Variants in PCDHGA6 observed in about 807,000 individuals in gnomAD.
The protein encoded by PCDHGA6 is protocadherin gamma subfamily A, 6, also known as protocadherin gamma-A6.
PCDHGA6 carries 41 observed loss-of-function variants against 60.6 expected under a neutral mutation model. The observed-to-expected ratio is 0.68, with a 90% CI of 0.53 to 0.88. PCDHGA6 has a LOEUF of 0.88. PCDHGA6 is among the 40% of genes least tolerant of loss of function. The pLI, the probability that PCDHGA6 is intolerant of heterozygous loss-of-function variation, is 0.00. For synonymous variants in PCDHGA6, 594 were observed against 524.4 expected (o/e 1.13, Z -1.81); for missense variants, 1,312 against 1,203.0 (o/e 1.09, Z -1.34).
At chr5:141,410,178 C>G in intron 1 of PCDHGA6, 2 of 1,613,890 alleles carry the variant, frequency 1.2e-6, no homozygotes, top group South Asian at 1.1e-5. Flanking sequence ...GCCACCGCCA[C>G]GCTTCATCTG....
intron 1 of PCDHGA6, among the ~76,000 whole-genome samples, chr5:141,447,233 G>A (rs565398752): frequency 2.6e-5 from 4 of 152,028 alleles, no homozygotes; most frequent in Non-Finnish European, 4.4e-5. Flanking sequence ...TCCGCCTCCC[G>A]GGTTCAAGTG....
rs537334679 is a variant in PCDHGA6 at position 141,413,479 on chromosome 5, C to G, written c.2424+36972C>G. ...GATAGACCGGGAGGAGCTCTGCGCTCAGAGCGCGCGGTGCGTGGTGAGTTT... is the reference window on the plus strand; with the variant it reads ...GATAGACCGGGAGGAGCTCTGCGCTGAGAGCGCGCGGTGCGTGGTGAGTTT... On this transcript the variant is annotated intron_variant, in intron 1 of 3. Coordinates refer to ENST00000517434, the MANE Select transcript of PCDHGA6 (RefSeq NM_018919.3). 4.3e-6 allele frequency: 7 copies of G among 1,614,084 alleles called. No individual in the cohort carries two copies. In the African/African-American group the frequency reaches 6.7e-5, roughly 15 times the overall value.
intron 1 of PCDHGA6, among the ~76,000 whole-genome samples, chr5:141,466,800 C>T (rs189985735): frequency 6.6e-6 from 1 of 152,240 alleles, no homozygotes; most frequent in East Asian, 1.9e-4. Context: ...AAACTAGATC[C>T]TATTCAGACA....
At chr5:141,468,841 G>C (rs1189145481) in intron 1 of PCDHGA6, among the ~76,000 whole-genome samples, 3 of 152,014 alleles carry the variant, frequency 2.0e-5, no homozygotes, top group Non-Finnish European at 4.4e-5. Flanking sequence ...ACTCCAGCCT[G>C]GGCAACAGAG....
At chr5:141,419,137 C>T (rs764281503) in intron 1 of PCDHGA6, 1 of 1,613,892 alleles carries the variant, frequency 6.2e-7, no homozygotes, top group Non-Finnish European at 8.5e-7. Flanking sequence ...CAGCCACAGA[C>T]AGGGGCAAGC....
intron 1 of PCDHGA6, among the ~76,000 whole-genome samples, chr5:141,456,703 G>T (rs528071544): frequency 1.3e-5 from 2 of 152,062 alleles, no homozygotes; most frequent in Non-Finnish European, 2.9e-5. Context: ...GGTGGCTCGC[G>T]CCTGTAATCC....
rs1437533706 is a variant in PCDHGA6, at chr5:141,511,419, G to C, written c.*246G>C. On this transcript the variant is annotated 3_prime_UTR_variant, in exon 4 of 4. Transcript: ENST00000517434. ...ATCCAATCAACTGCTGTACCCATGG[G>C]GGTAGTGGGGTTACTGTAGACACCA... The C allele has an allele frequency of 2.4e-6, 2 of 830,456 alleles. No individual in the cohort carries two copies. The highest frequency in any genetic ancestry group is 5.8e-5 in the East Asian group (2 of 34,260). 51.4% of individuals were successfully genotyped at this position (830,456 alleles called of 1,614,324 possible).
chr5:141,487,596 A>T lies in PCDHGA6; in HGVS notation c.2425-7211A>T. The stretch of plus-strand genomic sequence containing the variant: ...GTTCGCCCAAGCTGCCCACCCTCTG[A>T]TCTTCTCTATGGGCTAGAGGTGAGA... On this transcript the variant is annotated intron_variant, in intron 1 of 3. Transcript: ENST00000517434. The surrounding 1 kb of genome is among the most constrained non-coding windows in gnomAD (Gnocchi z 5.0). The T allele has an allele frequency of 1.2e-6, 2 of 1,614,108 alleles. No individual in the cohort carries two copies. Among genetic ancestry groups the T allele is most frequent in the Non-Finnish European group, 8.5e-7 (1 of 1,180,024 alleles).
chr5:141,399,465 G>T, intron 1 of PCDHGA6: 1 of 1,614,014 alleles, frequency 6.2e-7, no homozygotes, highest in Non-Finnish European at 8.5e-7. Context: ...ATAACGCTCC[G>T]GTTTTCCACC....
chr5:141,455,466 A>G (rs1253494886), intron 1 of PCDHGA6, among the ~76,000 whole-genome samples: 1 of 152,164 alleles, frequency 6.6e-6, no homozygotes, highest in East Asian at 1.9e-4. Flanking sequence ...AGCCAGGTAT[A>G]TATGCAGAGG....
rs1002764667 is a variant in PCDHGA6, at chr5:141,468,260, G to A, written c.2425-26547G>A. 4.0e-5 allele frequency among the ~76,000 whole-genome samples: 6 copies of A among 150,102 alleles called. No homozygotes were observed. The East Asian group carries it at 1.2e-3, about 30-fold the overall frequency. ...GAATTGCCTGAACCTGGGAGGCAGA[G>A]GTTGTGGTGAGCCGAGACCACGCCA... On this transcript the variant is annotated intron_variant, in intron 1 of 3. Coordinates refer to ENST00000517434, the MANE Select transcript of PCDHGA6 (RefSeq NM_018919.3).
At chr5:141,459,300 A>G (rs954766370) in intron 1 of PCDHGA6, among the ~76,000 whole-genome samples, 2 of 152,202 alleles carry the variant, frequency 1.3e-5, no homozygotes, top group Non-Finnish European at 2.9e-5. Context: ...ATCCTATAAC[A>G]TATACTATTT....
intron 1 of PCDHGA6, chr5:141,379,708 G>T (rs1048011684): frequency 2.0e-5 from 3 of 151,950 alleles, no homozygotes; most frequent in Non-Finnish European, 2.9e-5. Flanking sequence ...AAACATCCTG[G>T]CAGTCATGGA....
chr5:141,389,873 C>T (rs767569258), intron 1 of PCDHGA6: 2 of 1,614,070 alleles, frequency 1.2e-6, no homozygotes, highest in Admixed American at 1.7e-5. Context: ...TGGTCTTCGC[C>T]GACAGCTTGC....
chr5:141,376,710 C>A lies in PCDHGA6; in HGVS notation c.2424+203C>A, dbSNP rs967144900. 118 of 619,882 alleles carry A rather than the reference C, an allele frequency of 1.9e-4. No individual in the cohort carries two copies. The East Asian group carries it at 3.7e-3, about 19-fold the overall frequency. 38.4% of individuals were successfully genotyped at this position (619,882 alleles called of 1,614,324 possible). Reference sequence around the variant, plus strand: ...TTTTTTTTTTTTTGAGACGGAGTCTCGCTCTGTCGCCCAGGCCGGACTGCG... The same window carrying A: ...TTTTTTTTTTTTTGAGACGGAGTCTAGCTCTGTCGCCCAGGCCGGACTGCG... On this transcript the variant is annotated intron_variant, in intron 1 of 3. Transcript: ENST00000517434.
chr5:141,408,506 T>C, intron 1 of PCDHGA6: 2 of 1,614,010 alleles, frequency 1.2e-6, no homozygotes, highest in Non-Finnish European at 1.7e-6. Flanking sequence ...GAGAAGAAGA[T>C]GTGAGTTGCA....
chr5:141,486,421 G>A lies in PCDHGA6; in HGVS notation c.2425-8386G>A, dbSNP rs772631503. ...TGACTGCTGGACCCTTGGATCGAGA[G>A]GCCAAATCTAGCTATGACATCATGG... On this transcript the variant is annotated intron_variant, in intron 1 of 3. Coordinates refer to ENST00000517434, the MANE Select transcript of PCDHGA6 (RefSeq NM_018919.3). This position sits in a 1 kb window ranked among gnomAD's most constrained non-coding sequence, Gnocchi z 5.0. 2.5e-6 allele frequency: 4 copies of A among 1,614,152 alleles called. No homozygotes were observed. In the East Asian group the frequency reaches 6.7e-5, roughly 27 times the overall value.
intron 1 of PCDHGA6, among the ~76,000 whole-genome samples, chr5:141,407,310 T>C (rs1468156890): frequency 6.6e-6 from 1 of 152,224 alleles, no homozygotes; most frequent in Non-Finnish European, 1.5e-5. Context: ...GTAGCCTTCA[T>C]ACTTAGTATT....
At chr5:141,484,499 A>G (rs567556335) in intron 1 of PCDHGA6, among the ~76,000 whole-genome samples, 20 of 152,344 alleles carry the variant, frequency 1.3e-4, no homozygotes, top group African/African-American at 4.6e-4. Flanking sequence ...CCGTTTCTGA[A>G]TATTCTGCAG....
Sources: gnomAD v4.1 joint callset for allele counts (sites outside exome capture counted in the v4.1 genomes callset) on GRCh38, gnomAD v4.1.1 for gene constraint, Gnocchi (gnomAD v3.1) non-coding constraint, MANE v1.5 for transcripts, NCBI Gene and HGNC (gene_info 2026-07-23, HGNC 2026-07-21) for gene names.